GIGYF2: variants seen among roughly 807,000 people sequenced by gnomAD.
GIGYF2 encodes the protein GRB10-interacting GYF protein 2.
Under a neutral mutation model 208.1 loss-of-function variants are expected in GIGYF2, and 25 were observed. That is an observed-to-expected ratio of 0.12 (90% CI 0.09 to 0.17). The LOEUF is 0.17. Among genes scored for constraint, GIGYF2 ranks in the 10% least tolerant of loss-of-function variants. GIGYF2 has a pLI of 1.00. For missense variants in GIGYF2, 1,302 were observed against 1,579.4 expected, an observed-to-expected ratio of 0.82 and a Z score of 2.98; for synonymous variants, 534 against 543.8, an observed-to-expected ratio of 0.98 and a Z score of 0.25.
intron 22 of GIGYF2, among the ~76,000 whole-genome samples, chr2:232,837,383 T>A (rs937221423): frequency 2.1e-4 from 32 of 152,210 alleles, no homozygotes; most frequent in South Asian, 4.1e-4. Context: ...TTGCTGTTCT[T>A]ACTGAGTTTT....
intron 8 of GIGYF2, among the ~76,000 whole-genome samples, chr2:232,786,801 G>A (rs1699924441): frequency 1.3e-5 from 2 of 152,192 alleles, no homozygotes; most frequent in African/African-American, 4.8e-5. Context: ...ATGTGTAAGT[G>A]TACCCATGGA....
chr2:232,752,308 C>T (rs1417155752), intron 5 of GIGYF2, among the ~76,000 whole-genome samples: 4 of 152,082 alleles, frequency 2.6e-5, no homozygotes, highest in Non-Finnish European at 4.4e-5. Context: ...TCTTTTGGTA[C>T]TTCTAGGGAG....
rs766923874 is a variant in GIGYF2 at position 232,844,353 on chromosome 2, T to C, written c.3100-16T>C. 1.9e-6 allele frequency: 3 copies of C among 1,612,720 alleles called. No homozygotes were observed. The South Asian group carries it at 3.3e-5, about 18-fold the overall frequency. ...ACATGATTCACGATAATCATTTTTC[T>C]CTTTTTCTTTAACAGCATTCCAACC... On this transcript the variant is annotated splice_polypyrimidine_tract_variant and intron_variant, in intron 24 of 28. Transcript: ENST00000373563.
intron 2 of GIGYF2, chr2:232,729,612 T>C: frequency 8.0e-7 from 1 of 1,242,662 alleles, no homozygotes; most frequent in African/African-American, 1.5e-5. Context: ...GTTCCAACTT[T>C]ATCATCTTCA....
At chr2:232,747,104 A>G (rs1290733235) in intron 3 of GIGYF2, among the ~76,000 whole-genome samples, 1 of 152,202 alleles carries the variant, frequency 6.6e-6, no homozygotes, top group Non-Finnish European at 1.5e-5. Flanking sequence ...TAAATATTTT[A>G]GCTATTACCA....
At chr2:232,789,374 T>TG in intron 9 of GIGYF2, among the ~76,000 whole-genome samples, 1 of 152,290 alleles carries the variant, frequency 6.6e-6, no homozygotes, top group Admixed American at 6.5e-5. Flanking sequence ...CCTGTCATGA[T>TG]GTACATTTAG....
At position 232,855,925 on chromosome 2, in the gene GIGYF2, G is replaced by C. The variant is rs543581664; in HGVS notation, c.3833-868G>C. Among the ~76,000 whole-genome samples, 6 of 101,148 alleles carry C rather than the reference G, an allele frequency of 5.9e-5. No individual in the cohort carries two copies. The Admixed American group carries it at 6.7e-4, about 11-fold the overall frequency. 66.4% of individuals were successfully genotyped at this position (101,148 alleles called of 152,430 possible). ...TCTCTGAAGCAGTGGTTTGCAGGGGGTTTTTTTGTTTTGTTTTTTTTTTGA... is the reference window on the plus strand; with the variant it reads ...TCTCTGAAGCAGTGGTTTGCAGGGGCTTTTTTTGTTTTGTTTTTTTTTTGA... On this transcript the variant is annotated intron_variant, in intron 28 of 28. Coordinates refer to ENST00000373563, the MANE Select transcript of GIGYF2 (RefSeq NM_001103146.3).
rs541961018 is a variant in GIGYF2 at position 232,697,945 on chromosome 2, A to G, written c.-110+553A>G. On this transcript the variant is annotated intron_variant, in intron 1 of 28. Transcript: ENST00000373563. The stretch of plus-strand genomic sequence containing the variant: ...GACGGAGGAGACTCCTTCCGTGGCG[A>G]GAGTACTGGGTCTGGACCAGGCCTG... 2.1e-3 allele frequency among the ~76,000 whole-genome samples: 313 copies of G among 152,264 alleles called. 1 individual carries two copies. Among genetic ancestry groups the G allele is most frequent in the African/African-American group, 7.1e-3 (297 of 41,556 alleles).
chr2:232,856,706 A>C (rs1483026162), intron 28 of GIGYF2, 87 bp from the exon 29 acceptor site: 18 of 861,498 alleles, frequency 2.1e-5, no homozygotes, highest in Non-Finnish European at 3.2e-5. Context: ...ACAAACAAAC[A>C]CAGACTTACA....
At chr2:232,847,204 A>T in intron 26 of GIGYF2, 144 bp from the exon 27 acceptor site, 1 of 791,338 alleles carries the variant, frequency 1.3e-6, no homozygotes. Flanking sequence ...AAGAATATTT[A>T]AACACAATTG....
At chr2:232,708,559 G>C (rs184974288) in intron 2 of GIGYF2, among the ~76,000 whole-genome samples, 239 of 152,062 alleles carry the variant, frequency 1.6e-3, no homozygotes, top group Middle Eastern at 3.4e-3. Context: ...CACTTGGCCA[G>C]GTGCAGTGGC....
intron 2 of GIGYF2, among the ~76,000 whole-genome samples, chr2:232,720,490 G>C (rs907471683): frequency 3.3e-5 from 5 of 151,704 alleles, no homozygotes; most frequent in African/African-American, 1.2e-4. Flanking sequence ...AGTATTTCTA[G>C]TTCTAGATCC....
intron 2 of GIGYF2, among the ~76,000 whole-genome samples, chr2:232,711,702 G>GATTTATATATATATATATATATAT (rs1490288263): frequency 2.0e-5 from 1 of 50,548 alleles, no homozygotes; most frequent in South Asian, 1.5e-3. Flanking sequence ...TCCTCACAAT[G>GATTTATATATATATATATATATAT]ATGTATATAT....
intron 21 of GIGYF2, among the ~76,000 whole-genome samples, chr2:232,821,793 AAGCTTTATAGTT>A (rs1701088175): frequency 6.6e-6 from 1 of 151,848 alleles, no homozygotes; most frequent in South Asian, 2.1e-4. Flanking sequence ...ATTTTTTTTA[AAGCTTTATAGTT>A]TTCGTTTTAC....
At chr2:232,712,412 T>A (rs985462339) in intron 2 of GIGYF2, among the ~76,000 whole-genome samples, 8 of 152,256 alleles carry the variant, frequency 5.3e-5, no homozygotes, top group Non-Finnish European at 1.0e-4. Flanking sequence ...ATTAATAGTT[T>A]TTATTCCCTC....
intron 3 of GIGYF2, among the ~76,000 whole-genome samples, chr2:232,743,716 A>G (rs1353311600): frequency 6.6e-6 from 1 of 152,190 alleles, no homozygotes; most frequent in African/African-American, 2.4e-5. Flanking sequence ...GAATTTGTCG[A>G]TTATTGAATC....
At chr2:232,779,198 T>A (rs569287675) in intron 8 of GIGYF2, among the ~76,000 whole-genome samples, 3 of 152,284 alleles carry the variant, frequency 2.0e-5, no homozygotes, top group African/African-American at 7.2e-5. Flanking sequence ...GTAAGGTAAT[T>A]GGAGATGGCT....
At chr2:232,717,497 C>T (rs1368842476) in intron 2 of GIGYF2, among the ~76,000 whole-genome samples, 1 of 152,156 alleles carries the variant, frequency 6.6e-6, no homozygotes, top group Non-Finnish European at 1.5e-5. Flanking sequence ...TTAGTAGTCT[C>T]CTCTTCCCAT....
chr2:232,813,679 G>C (rs1700812177), intron 18 of GIGYF2, among the ~76,000 whole-genome samples: 1 of 152,096 alleles, frequency 6.6e-6, no homozygotes, highest in Non-Finnish European at 1.5e-5. Flanking sequence ...TGTTAACACT[G>C]ACCCCGCAGA....
Sources: gnomAD v4.1 joint callset for allele counts (sites outside exome capture counted in the v4.1 genomes callset) on GRCh38, gnomAD v4.1.1 for gene constraint, MANE v1.5 for transcripts, NCBI Gene and HGNC (gene_info 2026-07-23, HGNC 2026-07-21) for gene names.